Variants in MMAA observed in about 807,000 individuals in gnomAD.
MMAA encodes methylmalonic aciduria type A protein, mitochondrial.
A neutral mutation model predicts 45.0 loss-of-function variants in MMAA; 41 were observed. The observed-to-expected ratio is 0.91, with a 90% CI of 0.71 to 1.18. The LOEUF is 1.18. Among genes scored for constraint, MMAA ranks in the 50% most tolerant of loss-of-function variants. The pLI is 0.00. For synonymous variants in MMAA, 154 were observed against 178.2 expected, an observed-to-expected ratio of 0.86 and a Z score of 1.08; for missense variants, 460 against 495.7, an observed-to-expected ratio of 0.93 and a Z score of 0.68.
intron 1 of MMAA, chr4:145,625,851 C>T (rs1158414918): frequency 2.2e-5 from 28 of 1,296,834 alleles, no homozygotes; most frequent in African/African-American, 2.9e-5. Flanking sequence ...GCTTCTAAGA[C>T]GTTCCAGATG....
Position 145,655,529 on chromosome 4 carries a change from A to G in MMAA, c.*95A>G, listed in dbSNP as rs1728206855. On this transcript the variant is annotated 3_prime_UTR_variant, in exon 7 of 7. Transcript: ENST00000649156. The stretch of plus-strand genomic sequence containing the variant: ...TGCTTATATTTTCAGTAATTATTGT[A>G]TGGTGCTCTTGTCTTCTTTGTTTGT... 1 of 1,183,318 alleles carries G rather than the reference A, an allele frequency of 8.5e-7. No homozygotes were observed. The highest frequency in any genetic ancestry group is 2.6e-5 in the East Asian group (1 of 38,846). 73.3% of individuals were successfully genotyped at this position (1,183,318 alleles called of 1,614,324 possible). A position where few individuals can be genotyped will look rare whatever the true frequency, so the allele number is the denominator to read the frequency against.
chr4:145,636,888 T>C (rs1032579562), intron 1 of MMAA, among the ~76,000 whole-genome samples: 5 of 152,198 alleles, frequency 3.3e-5, no homozygotes, highest in Non-Finnish European at 7.3e-5. Flanking sequence ...GGTCGAAAGA[T>C]GGCCTTCAAA....
intron 1 of MMAA, among the ~76,000 whole-genome samples, chr4:145,634,662 A>G (rs1439663060): frequency 6.6e-6 from 1 of 151,844 alleles, no homozygotes; most frequent in Non-Finnish European, 1.5e-5. Context: ...GCAGCTGGGA[A>G]TGCGCTGAGT....
rs996478129 is a variant in MMAA at position 145,657,441 on chromosome 4, C to T, written c.*2007C>T. ...TCTGTGATTATATTGTACTGGACTT[C>T]TGACTTGGTCAAAAGCATAGGTTTT... On this transcript the variant is annotated 3_prime_UTR_variant, in exon 7 of 7. Coordinates refer to ENST00000649156, the MANE Select transcript of MMAA (RefSeq NM_172250.3). 1.3e-5 allele frequency: 2 copies of T among 151,954 alleles called. No individual in the cohort carries two copies. Among genetic ancestry groups the T allele is most frequent in the Non-Finnish European group, 2.9e-5 (2 of 67,988 alleles). 9.4% of individuals were successfully genotyped at this position (151,954 alleles called of 1,614,324 possible). A position where few individuals can be genotyped will look rare whatever the true frequency, so the allele number is the denominator to read the frequency against.
intron 1 of MMAA, among the ~76,000 whole-genome samples, chr4:145,630,020 A>G (rs115537473): frequency 0.016 from 2,400 of 152,194 alleles, 64 homozygotes; most frequent in African/African-American, 0.055. Context: ...CTGGCCTCAT[A>G]TAATGAATTT....
At chr4:145,644,235 A>G (rs1240440874) in intron 3 of MMAA, among the ~76,000 whole-genome samples, 5 of 152,206 alleles carry the variant, frequency 3.3e-5, no homozygotes, top group Admixed American at 2.6e-4. Flanking sequence ...GATGGGATCT[A>G]TAGGATAGTA....
At position 145,639,135 on chromosome 4, in the gene MMAA, C is replaced by T. The variant is rs750568846; in HGVS notation, c.-5C>T. Reference sequence around the variant, plus strand: ...GTGTTTTCTCCAGTTACAAATAAAACGAATATGCCCATGCTGCTACCACAT... The same window carrying T: ...GTGTTTTCTCCAGTTACAAATAAAATGAATATGCCCATGCTGCTACCACAT... On this transcript the variant is annotated 5_prime_UTR_variant, in exon 2 of 7. It adds an upstream start codon to the 5' untranslated region. Transcript: ENST00000649156. 16 of 1,614,062 alleles carry T rather than the reference C, an allele frequency of 9.9e-6. No homozygotes were observed. Among genetic ancestry groups the T allele is most frequent in the Non-Finnish European group, 1.2e-5 (14 of 1,179,954 alleles).
intron 1 of MMAA, among the ~76,000 whole-genome samples, chr4:145,623,071 G>A (rs1389929148): frequency 6.6e-6 from 1 of 152,162 alleles, no homozygotes; most frequent in Admixed American, 6.5e-5. Context: ...TTTAAAGCAT[G>A]GACATAACTT....
At chr4:145,634,945 C>T (rs149647344) in intron 1 of MMAA, among the ~76,000 whole-genome samples, 6 of 151,996 alleles carry the variant, frequency 3.9e-5, no homozygotes, top group East Asian at 2.0e-4. Flanking sequence ...AAGTCCTCCC[C>T]GCTCTTCCCT....
intron 5 of MMAA, 90 bp downstream of exon 5, chr4:145,651,237 G>T: frequency 9.4e-7 from 1 of 1,067,428 alleles, no homozygotes; most frequent in East Asian, 2.5e-5. Context: ...AAACTAAGTT[G>T]ATAATGGTTT....
chr4:145,649,365 G>A (rs370189982), intron 4 of MMAA, among the ~76,000 whole-genome samples: 5 of 152,200 alleles, frequency 3.3e-5, no homozygotes, highest in South Asian at 4.2e-4. Context: ...CAGTGCCCTC[G>A]GTGTCACAGG....
At chr4:145,651,923 A>G (rs1458295487) in intron 5 of MMAA, among the ~76,000 whole-genome samples, 1 of 152,170 alleles carries the variant, frequency 6.6e-6, no homozygotes, top group African/African-American at 2.4e-5. Context: ...TGCTCCTATG[A>G]GAATCAAATG....
intron 6 of MMAA, among the ~76,000 whole-genome samples, 165 bp from the exon 7 acceptor site, chr4:145,654,982 C>T (rs1367585053): frequency 1.3e-5 from 2 of 152,130 alleles, no homozygotes; most frequent in Admixed American, 6.5e-5. Context: ...TATATTACCT[C>T]AGAATATATA....
intron 5 of MMAA, among the ~76,000 whole-genome samples, chr4:145,653,131 C>T (rs938757046): frequency 6.6e-6 from 1 of 152,136 alleles, no homozygotes; most frequent in African/African-American, 2.4e-5. Context: ...CCTTAGCCTC[C>T]TTAAGTGCTG....
At chr4:145,620,531 C>T (rs1270332702) in intron 1 of MMAA, among the ~76,000 whole-genome samples, 1 of 152,210 alleles carries the variant, frequency 6.6e-6, no homozygotes, top group Non-Finnish European at 1.5e-5. Context: ...ATGTTACTTG[C>T]AACCAATTTA....
chr4:145,633,442 C>T (rs1239276623), intron 1 of MMAA, among the ~76,000 whole-genome samples: 1 of 151,144 alleles, frequency 6.6e-6, no homozygotes, highest in East Asian at 2.0e-4. Context: ...AGGTGATCTG[C>T]CCAGCTCGGC....
At chr4:145,648,477 A>G (rs765583135) in intron 4 of MMAA, among the ~76,000 whole-genome samples, 1 of 152,178 alleles carries the variant, frequency 6.6e-6, no homozygotes, top group Non-Finnish European at 1.5e-5. Context: ...TGAGGGGAAC[A>G]CAGCTCAGTT....
At chr4:145,652,368 C>G (rs1728117291) in intron 5 of MMAA, among the ~76,000 whole-genome samples, 1 of 152,142 alleles carries the variant, frequency 6.6e-6, no homozygotes, top group Non-Finnish European at 1.5e-5. Context: ...AAAACCCCAA[C>G]CCTCTAATCA....
intron 5 of MMAA, among the ~76,000 whole-genome samples, chr4:145,652,655 G>C (rs916271479): frequency 3.3e-5 from 5 of 151,666 alleles, no homozygotes; most frequent in African/African-American, 1.2e-4. Flanking sequence ...GCTTGAACCC[G>C]GGAGGCAGAG....
Sources: gnomAD v4.1 joint callset for allele counts (sites outside exome capture counted in the v4.1 genomes callset) on GRCh38, gnomAD v4.1.1 for gene constraint, MANE v1.5 for transcripts, NCBI Gene and HGNC (gene_info 2026-07-23, HGNC 2026-07-21) for gene names.